The following RPS6KA2 variants were observed in gnomAD, a reference collection of about 807,000 sequenced individuals.
RPS6KA2 encodes the protein ribosomal protein S6 kinase alpha-2.
Under a neutral mutation model 91.8 loss-of-function variants are expected in RPS6KA2, and 42 were observed. The ratio of observed to expected loss-of-function variants is 0.46; its 90% confidence interval spans 0.36 to 0.59. The LOEUF (loss-of-function observed/expected upper bound fraction) is 0.59. RPS6KA2 is among the 20% of genes least tolerant of loss of function. The pLI is 0.00. For synonymous variants in RPS6KA2, 414 were observed against 393.6 expected, an observed-to-expected ratio of 1.05 and a Z score of -0.61; for missense variants, 798 against 978.5, an observed-to-expected ratio of 0.82 and a Z score of 2.46.
intron 3 of RPS6KA2, among the ~76,000 whole-genome samples, chr6:166,526,107 C>T (rs1408880211): frequency 6.6e-6 from 1 of 151,940 alleles, no homozygotes; most frequent in East Asian, 1.9e-4. Context: ...TGGTTAGATC[C>T]AGGGACCTAA....
chr6:166,861,738 T>TA (rs1341705445), intron 1 of RPS6KA2, among the ~76,000 whole-genome samples: 2 of 152,248 alleles, frequency 1.3e-5, no homozygotes, highest in Admixed American at 1.3e-4. Flanking sequence ...GGAAGGCTTC[T>TA]AATTTAAAGC....
chr6:166,507,306 G>A (rs1193654816), intron 5 of RPS6KA2, among the ~76,000 whole-genome samples: 2 of 151,898 alleles, frequency 1.3e-5, no homozygotes, highest in African/African-American at 4.8e-5. Context: ...CACCTGGGAC[G>A]ATTGCTAGGG....
Position 166,554,921 on chromosome 6 carries a change from T to C in RPS6KA2, c.100-16137A>G, listed in dbSNP as rs1784133821. Among the ~76,000 whole-genome samples the C allele has an allele frequency of 6.6e-6, 1 of 152,246 alleles. No homozygotes were observed. The highest frequency in any genetic ancestry group is 1.5e-5 in the Non-Finnish European group (1 of 68,040). ...TAATTTACAAAACCTGATTTTGAGA[T>C]GACTTTAGGAAATTGTTGCTTCTAT... On this transcript the variant is annotated intron_variant, in intron 1 of 20. Coordinates refer to ENST00000265678, the MANE Select transcript of RPS6KA2 (RefSeq NM_021135.6). The surrounding 1 kb of genome is among the most constrained non-coding windows in gnomAD (Gnocchi z 4.3).
intron 2 of RPS6KA2, among the ~76,000 whole-genome samples, chr6:166,676,038 G>A (rs963730247): frequency 5.3e-5 from 8 of 152,030 alleles, no homozygotes; most frequent in South Asian, 2.1e-4. Context: ...CTGGGAGGCC[G>A]GGTGCGGTGG....
intron 1 of RPS6KA2, among the ~76,000 whole-genome samples, chr6:166,575,484 A>G (rs2128512249): frequency 6.6e-6 from 1 of 152,360 alleles, no homozygotes; most frequent in African/African-American, 2.4e-5. Context: ...TCCAGAAGGG[A>G]AAAAAGCCAG....
intron 1 of RPS6KA2, among the ~76,000 whole-genome samples, chr6:166,604,090 G>A (rs1785850030): frequency 6.6e-6 from 1 of 152,188 alleles, no homozygotes; most frequent in South Asian, 2.1e-4. Context: ...CCATGGAAAA[G>A]CTCCAGAGAA....
chr6:166,487,466 A>G (rs897471026), intron 10 of RPS6KA2, among the ~76,000 whole-genome samples: 14 of 152,136 alleles, frequency 9.2e-5, no homozygotes, highest in Non-Finnish European at 1.8e-4. Flanking sequence ...TGTGTGGAAG[A>G]ATGAAAACAG....
At position 166,587,027 on chromosome 6, in the gene RPS6KA2, C is replaced by G. The variant is rs1423276886; in HGVS notation, c.99+39894G>C. 7.9e-5 allele frequency among the ~76,000 whole-genome samples: 12 copies of G among 152,356 alleles called. No homozygotes were observed. In the South Asian group the frequency reaches 2.5e-3, roughly 32 times the overall value. On this transcript the variant is annotated intron_variant, in intron 1 of 20. Coordinates refer to ENST00000265678, the MANE Select transcript of RPS6KA2 (RefSeq NM_021135.6). ...GCTTCTTTCATAGTCTCTTTCCCCC[C>G]ACAGCTAACTGCAGGCCCTTAGGGC...
chr6:166,481,295 A>C (rs1176685158), intron 10 of RPS6KA2, among the ~76,000 whole-genome samples: 1 of 152,294 alleles, frequency 6.6e-6, no homozygotes, highest in Non-Finnish European at 1.5e-5. Context: ...GCAAAGCTCA[A>C]AGTGGTCTTT....
At chr6:166,861,206 T>C (rs1562475977) in intron 1 of RPS6KA2, among the ~76,000 whole-genome samples, 1 of 152,186 alleles carries the variant, frequency 6.6e-6, no homozygotes, top group South Asian at 2.1e-4. Flanking sequence ...TAAGAATAAA[T>C]AAAATTTAAA....
intron 2 of RPS6KA2, among the ~76,000 whole-genome samples, chr6:166,668,375 C>T (rs923885937): frequency 2.0e-5 from 3 of 152,170 alleles, no homozygotes; most frequent in Non-Finnish European, 2.9e-5. Context: ...TGGCCTTTTC[C>T]ATTCCAAGCC....
upstream of RPS6KA2, among the ~76,000 whole-genome samples, chr6:166,629,629 C>T (rs778793470): frequency 1.3e-5 from 2 of 152,274 alleles, no homozygotes; most frequent in Non-Finnish European, 1.5e-5. Flanking sequence ...CCACTGTAAC[C>T]GAAATCCAAA....
intron 2 of RPS6KA2, among the ~76,000 whole-genome samples, chr6:166,744,783 C>A (rs140031063): frequency 2.0e-5 from 3 of 152,152 alleles, no homozygotes; most frequent in African/African-American, 7.2e-5. Flanking sequence ...GCGGTGGGGT[C>A]GCGAGCCTGC....
At chr6:166,556,303 C>T (rs1327455171) in intron 1 of RPS6KA2, among the ~76,000 whole-genome samples, 1 of 152,220 alleles carries the variant, frequency 6.6e-6, no homozygotes, top group Non-Finnish European at 1.5e-5. Flanking sequence ...AACTCCTCAG[C>T]TCCACAGGCG....
upstream of RPS6KA2, among the ~76,000 whole-genome samples, chr6:166,628,853 A>G (rs1786990144): frequency 6.6e-6 from 1 of 152,262 alleles, no homozygotes; most frequent in African/African-American, 2.4e-5. Flanking sequence ...ATTGATTTTC[A>G]TATTATGTAT....
chr6:166,659,402 G>A (rs1788095031), intron 2 of RPS6KA2, among the ~76,000 whole-genome samples: 1 of 152,158 alleles, frequency 6.6e-6, no homozygotes, highest in African/African-American at 2.4e-5. Context: ...GGGGAGAGGG[G>A]GCCATCCTCA....
At chr6:166,574,505 C>T (rs1784785113) in intron 1 of RPS6KA2, among the ~76,000 whole-genome samples, 1 of 152,204 alleles carries the variant, frequency 6.6e-6, no homozygotes, top group Admixed American at 6.5e-5. Flanking sequence ...CTTTTTATGG[C>T]TGTGTAGTAT....
intron 2 of RPS6KA2, among the ~76,000 whole-genome samples, chr6:166,785,085 C>T (rs528247476): frequency 2.0e-5 from 3 of 152,358 alleles, no homozygotes; most frequent in East Asian, 1.9e-4. Context: ...TCTGTGTTTG[C>T]GTCTACCTAT....
At position 166,418,148 on chromosome 6, in the gene RPS6KA2, T is replaced by C. The variant is rs986724121; in HGVS notation, c.1938+77A>G. On this transcript the variant is annotated intron_variant, in intron 19 of 20. Transcript: ENST00000265678. The surrounding 1 kb of genome is among the most constrained non-coding windows in gnomAD (Gnocchi z 4.9). Reference sequence around the variant, plus strand: ...ACCTATACTACTTACATAAAACCTATCCCCTGGCTTCCTCAGAAATCATAT... The same window carrying C: ...ACCTATACTACTTACATAAAACCTACCCCCTGGCTTCCTCAGAAATCATAT... The C allele has an allele frequency of 2.0e-5, 19 of 957,840 alleles. No individual in the cohort carries two copies. In the East Asian group the frequency reaches 4.6e-4, roughly 23 times the overall value. 59.3% of individuals were successfully genotyped at this position (957,840 alleles called of 1,614,324 possible).
Sources: allele counts gnomAD v4.1 joint callset (sites outside exome capture counted in the v4.1 genomes callset), GRCh38; gene constraint gnomAD v4.1.1; non-coding constraint Gnocchi (gnomAD v3.1); transcripts MANE v1.5; gene names NCBI Gene and HGNC (gene_info 2026-07-23, HGNC 2026-07-21).